The following NR5A2 variants were observed in gnomAD, a reference collection of about 807,000 sequenced individuals.
NR5A2 encodes the protein nuclear receptor subfamily 5 group A member 2.
A neutral mutation model predicts 62.7 loss-of-function variants in NR5A2; 26 were observed. That is an observed-to-expected ratio of 0.41 (90% CI 0.30 to 0.58). NR5A2 has a LOEUF of 0.58. Ranked by LOEUF, NR5A2 falls within the 20% of genes least tolerant of loss-of-function variation. NR5A2 has a pLI of 0.22. For missense variants in NR5A2, 541 were observed against 669.1 expected (o/e 0.81, Z 2.11); for synonymous variants, 246 against 241.7 (o/e 1.02, Z -0.16).
intron 2 of NR5A2, among the ~76,000 whole-genome samples, chr1:200,040,210 G>A (rs1272225617): frequency 6.6e-6 from 1 of 152,136 alleles, no homozygotes. Context: ...AGGCGACCCA[G>A]TCTAGGAAAG....
intron 5 of NR5A2, among the ~76,000 whole-genome samples, chr1:200,078,854 G>A (rs1486945033): frequency 6.6e-6 from 1 of 152,080 alleles, no homozygotes; most frequent in African/African-American, 2.4e-5. Flanking sequence ...AAATTTATAA[G>A]CGATAGTAAA....
intron 6 of NR5A2, among the ~76,000 whole-genome samples, chr1:200,117,690 C>G (rs1666287643): frequency 1.3e-5 from 2 of 152,094 alleles, no homozygotes; most frequent in Admixed American, 6.6e-5. Context: ...CTTCCTGATT[C>G]AGGCCTTAAC....
chr1:200,037,312 C>T (rs924273531), intron 1 of NR5A2, among the ~76,000 whole-genome samples: 5 of 152,164 alleles, frequency 3.3e-5, no homozygotes, highest in Non-Finnish European at 5.9e-5. Flanking sequence ...TAACTTCCCC[C>T]GGCTTCACCA....
chr1:200,041,765 C>G (rs561458613), intron 2 of NR5A2, among the ~76,000 whole-genome samples: 19 of 152,314 alleles, frequency 1.2e-4, no homozygotes, highest in South Asian at 1.0e-3. Context: ...GCAGCGTCTC[C>G]CTACTCAGCC....
At chr1:200,082,681 G>A (rs1290833658) in intron 5 of NR5A2, among the ~76,000 whole-genome samples, 2 of 152,042 alleles carry the variant, frequency 1.3e-5, no homozygotes, top group African/African-American at 2.4e-5. Context: ...CATGATTTTA[G>A]TATATTAATT....
Position 200,053,200 on chromosome 1 carries a change from G to C in NR5A2, c.1110+4382G>C, listed in dbSNP as rs185932218. Among the ~76,000 whole-genome samples, 1,327 of 152,258 alleles carry C rather than the reference G, an allele frequency of 8.7e-3. 9 individuals are homozygous for C. Among genetic ancestry groups the C allele is most frequent in the Non-Finnish European group, 0.015 (1,054 of 68,022 alleles). On this transcript the variant is annotated intron_variant, in intron 5 of 7. Transcript: ENST00000367362. The stretch of plus-strand genomic sequence containing the variant: ...GAGCTGGAAGATGAAAGGGAAAAGG[G>C]CTAGAGGACACATATAAGCGAGCTG...
At chr1:200,055,782 T>A (rs974385449) in intron 5 of NR5A2, among the ~76,000 whole-genome samples, 2 of 152,326 alleles carry the variant, frequency 1.3e-5, no homozygotes, top group South Asian at 4.1e-4. Flanking sequence ...TTTCAATGAA[T>A]GAAAATTTTC....
At chr1:200,042,771 G>A (rs1571703909) in intron 2 of NR5A2, 1 of 979,356 alleles carries the variant, frequency 1.0e-6, no homozygotes, top group East Asian at 1.1e-4. Context: ...GAGTCTCCGG[G>A]AAATACCGGA....
At chr1:200,128,415 C>A (rs901269712) in intron 7 of NR5A2, among the ~76,000 whole-genome samples, 1 of 152,172 alleles carries the variant, frequency 6.6e-6, no homozygotes, top group African/African-American at 2.4e-5. Context: ...TTTGGTACCT[C>A]TTTCTTAAAG....
At chr1:200,171,930 A>C (rs1444254578) in intron 7 of NR5A2, among the ~76,000 whole-genome samples, 3 of 152,150 alleles carry the variant, frequency 2.0e-5, no homozygotes, top group African/African-American at 7.2e-5. Context: ...AGAATGTTAA[A>C]ACTGGTTCTC....
intron 5 of NR5A2, among the ~76,000 whole-genome samples, chr1:200,063,394 G>A (rs2821385): frequency 0.36 from 54,041 of 151,648 alleles, 11,725 homozygotes; most frequent in African/African-American, 0.62. Context: ...TCCTGACCTC[G>A]TGATCCACCC....
chr1:200,163,677 T>G (rs1252259001), intron 7 of NR5A2, among the ~76,000 whole-genome samples: 1 of 152,010 alleles, frequency 6.6e-6, no homozygotes, highest in African/African-American at 2.4e-5. Context: ...ACAGGGTTTC[T>G]CCATGTTGGC....
intron 7 of NR5A2, among the ~76,000 whole-genome samples, chr1:200,163,395 C>T (rs1653738617): frequency 1.3e-5 from 2 of 151,874 alleles, no homozygotes; most frequent in Admixed American, 6.6e-5. Context: ...TGGCCAGGCA[C>T]TAGGAATACA....
intron 4 of NR5A2, 107 bp downstream of exon 4, chr1:200,045,691 C>T (rs1310871092): frequency 8.4e-6 from 7 of 833,378 alleles, no homozygotes; most frequent in Non-Finnish European, 1.3e-5. Context: ...AGCATTTTAA[C>T]ACTACCGACA....
Position 200,048,397 on chromosome 1 carries a change from T to G in NR5A2, c.689T>G (p.Leu230Trp). The G allele has an allele frequency of 6.2e-7, 1 of 1,614,214 alleles. No individual in the cohort carries two copies. The highest frequency in any genetic ancestry group is 8.5e-7 in the Non-Finnish European group (1 of 1,180,038). Residue 230 changes from leucine to tryptophan, a missense_variant, in exon 5 of 8, where the codon TTG (leucine) becomes TGG (tryptophan). Around this residue, in one of 3 missense-constraint regions of NR5A2, gnomAD observed 379 missense variants for 442.0 expected, o/e 0.86. Coordinates refer to ENST00000367362, the MANE Select transcript of NR5A2 (RefSeq NM_205860.3). This position sits in a 1 kb window ranked among gnomAD's most constrained non-coding sequence, Gnocchi z 4.8. ...GGCCTACCTCTGAACCATGCTGCCT[T>G]GCCTCCTACAGACTATGACAGAAGT... ...SKGLPLNHAA[L>W]PPTDYDRSPF... is the part of the protein sequence containing the mutation.
At chr1:200,062,922 G>A (rs897495509) in intron 5 of NR5A2, among the ~76,000 whole-genome samples, 3 of 152,064 alleles carry the variant, frequency 2.0e-5, no homozygotes, top group Admixed American at 2.0e-4. Flanking sequence ...AATTAAGGTG[G>A]GGGGAAGACA....
chr1:200,175,298 A>G lies in NR5A2; in HGVS notation c.*1088A>G, dbSNP rs1364175787. On this transcript the variant is annotated 3_prime_UTR_variant, in exon 8 of 8. Transcript: ENST00000367362. ...TGACTCAAGGTTCATTCTTGCTGCA[A>G]TTGAACATCCTCAAGAGTTGGGATG... 1 of 152,440 alleles carries G rather than the reference A, an allele frequency of 6.6e-6. No homozygotes were observed. The highest frequency in any genetic ancestry group is 6.5e-5 in the Admixed American group (1 of 15,288). The allele number at this position is 152,440 out of a possible 1,614,324, so 9.4% of individuals were successfully genotyped here.
At position 200,105,188 on chromosome 1, in the gene NR5A2, G is replaced by A. The variant is rs115814566; in HGVS notation, c.1111-6014G>A. Among the ~76,000 whole-genome samples the A allele has an allele frequency of 1.3e-3, 196 of 152,144 alleles. 1 individual carries two copies. The highest frequency in any genetic ancestry group is 4.1e-3 in the African/African-American group (172 of 41,502). On this transcript the variant is annotated intron_variant, in intron 5 of 7. Transcript: ENST00000367362. ...TTGCCCAGGTTGGTCTTGAATTCCT[G>A]GATGCAAGTGATCCTCCTATCTCAG...
At chr1:200,064,008 G>C (rs1663351040) in intron 5 of NR5A2, among the ~76,000 whole-genome samples, 1 of 152,134 alleles carries the variant, frequency 6.6e-6, no homozygotes, top group Non-Finnish European at 1.5e-5. Flanking sequence ...AAGTAGCTGG[G>C]TATGGTGGCT....
Sources: allele counts gnomAD v4.1 joint callset (sites outside exome capture counted in the v4.1 genomes callset), GRCh38; gene constraint gnomAD v4.1.1; regional missense constraint gnomAD v4.1.1; non-coding constraint Gnocchi (gnomAD v3.1); transcripts MANE v1.5; gene names NCBI Gene and HGNC (gene_info 2026-07-23, HGNC 2026-07-21).